NTAN1: variants seen among roughly 807,000 people sequenced by gnomAD.
The protein encoded by NTAN1 is N-terminal asparagine amidase, also known as protein N-terminal asparagine amidohydrolase.
Under a neutral mutation model 41.9 loss-of-function variants are expected in NTAN1, and 32 were observed. The ratio of observed to expected loss-of-function variants is 0.76; its 90% CI spans 0.58 to 1.03. NTAN1 has a LOEUF of 1.03. Among genes scored for constraint, NTAN1 ranks in the 50% least tolerant of loss-of-function variants. The pLI, the probability that NTAN1 is intolerant of heterozygous loss-of-function variation, is 0.00. For synonymous variants in NTAN1, 140 were observed against 139.5 expected (o/e 1.00, Z -0.03); for missense variants, 377 against 377.5 (o/e 1.00, Z 0.01).
chr16:15,045,900 C>T (rs2044040524), intron 4 of NTAN1: 1 of 152,208 alleles, frequency 6.6e-6, no homozygotes, highest in South Asian at 2.1e-4. Flanking sequence ...CAACATAGGG[C>T]ACAGCCTCAA....
intron 5 of NTAN1, 84 bp from the exon 6 acceptor site, chr16:15,041,760 G>A: frequency 1.0e-6 from 1 of 987,202 alleles, no homozygotes; most frequent in Non-Finnish European, 1.6e-6. Flanking sequence ...ACGACAGGGA[G>A]GGACGGCAGC....
chr16:15,041,244 T>C (rs1181993428), intron 6 of NTAN1, 123 bp from the exon 7 acceptor site: 1 of 712,340 alleles, frequency 1.4e-6, no homozygotes, highest in Admixed American at 2.1e-5. Context: ...TTCCAGAAAA[T>C]GAAAGGGATT....
intron 4 of NTAN1, 138 bp downstream of exon 4, chr16:15,047,304 G>A (rs2044113405): frequency 3.0e-6 from 2 of 661,218 alleles, no homozygotes; most frequent in Non-Finnish European, 5.5e-6. Context: ...CCCACGTCGT[G>A]CCAGGTTCTG....
intron 6 of NTAN1, among the ~76,000 whole-genome samples, chr16:15,041,383 C>T (rs531916953): frequency 3.3e-5 from 5 of 152,202 alleles, no homozygotes; most frequent in Non-Finnish European, 5.9e-5. Flanking sequence ...GGTGGCAGCT[C>T]CTCTGAGATC....
Position 15,044,212 on chromosome 16 carries a change from C to G in NTAN1, c.433+122G>C, listed in dbSNP as rs529500024. 2.8e-5 allele frequency: 19 copies of G among 666,858 alleles called. No individual in the cohort carries two copies. The African/African-American group carries it at 3.2e-4, about 11-fold the overall frequency. 41.3% of individuals were successfully genotyped at this position (666,858 alleles called of 1,614,324 possible). A position where few individuals can be genotyped will look rare whatever the true frequency, so the allele number is the denominator to read the frequency against. ...ATTCCAAGCTGGGCAGTCTGTTTCT[C>G]TGTGCTGCTCCAAGTGGGTGTGCCC... is the stretch of plus-strand genomic sequence containing the variant. On this transcript the variant is annotated intron_variant, in intron 5 of 9. Coordinates refer to ENST00000287706, the MANE Select transcript of NTAN1 (RefSeq NM_173474.4).
intron 4 of NTAN1, chr16:15,046,021 A>G (rs2044045444): frequency 6.6e-6 from 1 of 152,302 alleles, no homozygotes. Context: ...TCACAGTTCT[A>G]CAACAGATCA....
intron 1 of NTAN1, among the ~76,000 whole-genome samples, chr16:15,049,819 G>A (rs536523090): frequency 1.3e-5 from 2 of 152,208 alleles, no homozygotes; most frequent in Admixed American, 6.5e-5. Flanking sequence ...TAACTGCACA[G>A]TCATGAGAAA....
At chr16:15,047,421 T>C in intron 4 of NTAN1, 21 bp downstream of exon 4, 1 of 1,458,410 alleles carries the variant, frequency 6.9e-7, no homozygotes, top group Non-Finnish European at 9.6e-7. Context: ...AATTCACCTA[T>C]GAGAGCAGCG....
At chr16:15,042,986 T>A (rs548309276) in intron 5 of NTAN1, among the ~76,000 whole-genome samples, 1 of 147,204 alleles carries the variant, frequency 6.8e-6, no homozygotes, top group East Asian at 2.0e-4. Flanking sequence ...CCGCAACCTA[T>A]ACCTCCCGGG....
At chr16:15,042,185 C>CTT (rs34790085) in intron 5 of NTAN1, among the ~76,000 whole-genome samples, 7 of 135,568 alleles carry the variant, frequency 5.2e-5, no homozygotes, top group East Asian at 2.2e-4. Context: ...AATTTTATAT[C>CTT]TTTTTTTTTT....
chr16:15,053,226 C>T (rs1233306786), intron 1 of NTAN1, among the ~76,000 whole-genome samples: 2 of 152,246 alleles, frequency 1.3e-5, no homozygotes, highest in Non-Finnish European at 2.9e-5. Flanking sequence ...CCAATCCTGG[C>T]TTCACCACTC....
At chr16:15,045,912 G>A (rs2044040739) in intron 4 of NTAN1, 1 of 152,178 alleles carries the variant, frequency 6.6e-6, no homozygotes, top group African/African-American at 2.4e-5. Flanking sequence ...CAGCCTCAAG[G>A]GGCCTCATAA....
chr16:15,055,997 C>A lies in NTAN1; in HGVS notation c.-26G>T. The A allele has an allele frequency of 8.4e-7, 1 of 1,188,934 alleles. No homozygotes were observed. The allele number at this position is 1,188,934 out of a possible 1,614,324, so 73.6% of individuals were successfully genotyped here. ...CGCGGAGGCGGCCGCCCAGGCAGGCCCAGGGAGGCGGCGGCCCCCCGCTTT... is the reference window on the plus strand; with the variant it reads ...CGCGGAGGCGGCCGCCCAGGCAGGCACAGGGAGGCGGCGGCCCCCCGCTTT... On this transcript the variant is annotated 5_prime_UTR_variant, in exon 1 of 10. Transcript: ENST00000287706.
chr16:15,047,454 G>A lies in NTAN1; in HGVS notation c.347C>T (p.Ala116Val), dbSNP rs557647318. The part of the protein sequence containing the change: ...MNSIKSFSDH[A>V]QCGRLEVHLV... ...GCGTAGATCTCACCTTCCACATTGA[G>A]CGTGGTCAGAAAAGGATTTTATGGA... Residue 116 changes from alanine to valine, a missense_variant, in exon 4 of 10, where the codon GCT becomes GTT. By Grantham distance (64) the Ala-to-Val change is moderately conservative. Coordinates refer to ENST00000287706, the MANE Select transcript of NTAN1 (RefSeq NM_173474.4). 10 of 1,602,878 alleles carry A rather than the reference G, an allele frequency of 6.2e-6. No homozygotes were observed. The highest frequency in any genetic ancestry group is 3.3e-5 in the South Asian group (3 of 90,786).
At chr16:15,044,219 G>T in intron 5 of NTAN1, 115 bp downstream of exon 5, 1 of 691,250 alleles carries the variant, frequency 1.4e-6, no homozygotes, top group East Asian at 2.7e-5. Flanking sequence ...TCTCTGTGCT[G>T]CTCCAAGTGG....
rs1409853617 is a variant in NTAN1 at position 15,038,211 on chromosome 16, C to G, written c.754-1G>C. 1 of 1,611,246 alleles carries G rather than the reference C, an allele frequency of 6.2e-7. No individual in the cohort carries two copies. Among genetic ancestry groups the G allele is most frequent in the Non-Finnish European group, 8.5e-7 (1 of 1,178,534 alleles). ...CAGCCAGAGGCGAAGTGGAAAGATT[C>G]TGAAAACACAAGATGGTGGGCATTA... On this transcript the variant is annotated splice_acceptor_variant, in intron 9 of 9. Coordinates refer to ENST00000287706, the MANE Select transcript of NTAN1 (RefSeq NM_173474.4). LOFTEE classifies it high-confidence loss of function.
chr16:15,055,958 A>T lies in NTAN1; in HGVS notation c.14T>A (p.Val5Asp). Residue 5 changes from valine to aspartate, a missense_variant, in exon 1 of 10, where the codon GTC (valine) becomes GAC (aspartate). By Grantham distance (152) the Val-to-Asp change is radical. Transcript: ENST00000287706. MPLL[V>D]EGRRVRLPQS... ...CGGCAGCCGCACTCGCCGCCCCTCG[A>T]CGAGCAGCGGCATCGCGGAGGCGGC... The T allele has an allele frequency of 8.1e-7, 1 of 1,227,946 alleles. No homozygotes were observed. Among genetic ancestry groups the T allele is most frequent in the Non-Finnish European group, 1.0e-6 (1 of 984,868 alleles). The allele number at this position is 1,227,946 out of a possible 1,614,324, so 76.1% of individuals were successfully genotyped here.
At chr16:15,043,325 C>T (rs1274213563) in intron 5 of NTAN1, among the ~76,000 whole-genome samples, 3 of 152,178 alleles carry the variant, frequency 2.0e-5, no homozygotes, top group African/African-American at 7.2e-5. Context: ...CATGAGCCAC[C>T]GTGCCCGGCC....
At chr16:15,044,265 T>C in intron 5 of NTAN1, 69 bp downstream of exon 5, 1 of 1,122,928 alleles carries the variant, frequency 8.9e-7, no homozygotes, top group Non-Finnish European at 1.3e-6. Flanking sequence ...AATTGGGATT[T>C]TTAACCCAAG....
Sources: allele counts gnomAD v4.1 joint callset (sites outside exome capture counted in the v4.1 genomes callset), GRCh38; gene constraint gnomAD v4.1.1; transcripts MANE v1.5; gene names NCBI Gene and HGNC (gene_info 2026-07-23, HGNC 2026-07-21).